ACTL6A: variants seen among roughly 807,000 people sequenced by gnomAD.
ACTL6A encodes actin-like protein 6A.
A neutral mutation model predicts 59.2 loss-of-function variants in ACTL6A; 5 were observed. That is an observed-to-expected ratio of 0.08 (90% CI 0.04 to 0.18). ACTL6A has a LOEUF of 0.18. Among genes scored for constraint, ACTL6A ranks in the 10% least tolerant of loss-of-function variants. The probability of loss-of-function intolerance (pLI) is 1.00; values close to 1 mark genes in which losing one functional copy is unlikely to be tolerated. For synonymous variants in ACTL6A, 154 were observed against 171.8 expected (o/e 0.90, Z 0.81); for missense variants, 285 against 526.9 (o/e 0.54, Z 4.49).
intron 3 of ACTL6A, 190 bp from the exon 4 acceptor site, chr3:179,573,179 A>G (rs1177957374): frequency 2.3e-6 from 1 of 439,878 alleles, no homozygotes; most frequent in African/African-American, 2.1e-5. Context: ...GGGACCAAAA[A>G]GAAGTTCTAT....
At position 179,570,488 on chromosome 3, in the gene ACTL6A, A is replaced by G. The variant is rs758059169; in HGVS notation, c.277+247A>G. ...ACAAATAATGGTACACTGTGGGATA[A>G]GTGGTACAATATAGGTATGTGCAAT... is the stretch of plus-strand genomic sequence containing the variant. On this transcript the variant is annotated intron_variant, in intron 3 of 13. Coordinates refer to ENST00000429709, the MANE Select transcript of ACTL6A (RefSeq NM_004301.5). The surrounding 1 kb of genome is among the most constrained non-coding windows in gnomAD (Gnocchi z 4.3). 4 of 372,056 alleles carry G rather than the reference A, an allele frequency of 1.1e-5. No homozygotes were observed. Among genetic ancestry groups the G allele is most frequent in the African/African-American group, 2.1e-5 (1 of 47,526 alleles). 23.0% of individuals were successfully genotyped at this position (372,056 alleles called of 1,614,324 possible).
intron 10 of ACTL6A, 34 bp from the exon 11 acceptor site, chr3:179,581,106 C>G: frequency 6.2e-7 from 1 of 1,606,662 alleles, no homozygotes; most frequent in African/African-American, 1.3e-5. Context: ...GTATGAAGAG[C>G]TTCCATGTGA....
At chr3:179,579,721 G>C (rs1027420082) in intron 8 of ACTL6A, among the ~76,000 whole-genome samples, 1 of 152,214 alleles carries the variant, frequency 6.6e-6, no homozygotes, top group East Asian at 1.9e-4. Flanking sequence ...ATGGGAGATG[G>C]AGGTTGCATT....
chr3:179,580,714 A>T lies in ACTL6A; in HGVS notation c.830+13A>T. ...CTTATGATGAACAGTATGTTTTCTT[A>T]TTAAAATGTATACTTTATAAATGAG... On this transcript the variant is annotated intron_variant, in intron 9 of 13. Transcript: ENST00000429709. 6.4e-7 allele frequency: 1 copy of T among 1,558,740 alleles called. No homozygotes were observed. The highest frequency in any genetic ancestry group is 8.8e-7 in the Non-Finnish European group (1 of 1,139,402).
intron 1 of ACTL6A, 96 bp downstream of exon 1, chr3:179,563,213 G>C: frequency 6.9e-7 from 1 of 1,446,626 alleles, no homozygotes; most frequent in African/African-American, 1.4e-5. Flanking sequence ...GTTCCCTTCC[G>C]GTCTCCCCCT....
Position 179,576,241 on chromosome 3 carries a change from G to C in ACTL6A, c.501G>C (p.Gly167=), listed in dbSNP as rs1255102815. Residue 167 remains glycine, a synonymous_variant, in exon 6 of 14, where the codon GGG becomes GGC. Coordinates refer to ENST00000429709, the MANE Select transcript of ACTL6A (RefSeq NM_004301.5). ...LTAFANGRST[G]LILDSGATHT... is the part of the protein sequence containing the mutation. ...GATTTGCTAATGGTCGTTCTACTGG[G>C]CTGATTTTGGACAGTGGAGCCACTC... The C allele has an allele frequency of 1.2e-6, 2 of 1,613,428 alleles. No homozygotes were observed. The highest frequency in any genetic ancestry group is 1.3e-5 in the African/African-American group (1 of 74,864).
At chr3:179,586,919 A>G (rs1718513017) in intron 13 of ACTL6A, among the ~76,000 whole-genome samples, 1 of 152,190 alleles carries the variant, frequency 6.6e-6, no homozygotes, top group African/African-American at 2.4e-5. Context: ...GGCACTGGTC[A>G]GGGCTTGTCT....
chr3:179,567,429 C>T (rs115036638), intron 1 of ACTL6A, among the ~76,000 whole-genome samples: 59 of 152,206 alleles, frequency 3.9e-4, no homozygotes, highest in Middle Eastern at 3.4e-3. Context: ...CAGTCACATT[C>T]TGAGGTACTA....
rs1402687557 is a variant in ACTL6A at position 179,580,965 on chromosome 3, G to A, written c.902G>A (p.Arg301Gln). The change falls in exon 10 of 14, where the codon CGG becomes CAG. Residue 301 changes from arginine (R) to glutamine (Q), a missense_variant. Transcript: ENST00000429709. ...NGYNCDFGAE[R>Q]LKIPEGLFDP... ...TACAATTGTGATTTTGGTGCAGAGC[G>A]GCTAAAGATTCCAGAAGGATTATTT... 11 of 1,585,316 alleles carry A rather than the reference G, an allele frequency of 6.9e-6. No homozygotes were observed. The highest frequency in any genetic ancestry group is 1.2e-5 in the South Asian group (1 of 85,048).
intron 1 of ACTL6A, among the ~76,000 whole-genome samples, chr3:179,566,498 C>T (rs1425537085): frequency 6.6e-6 from 1 of 152,184 alleles, no homozygotes; most frequent in Non-Finnish European, 1.5e-5. Context: ...TAAAGTACCA[C>T]AGTCTGTGTG....
At chr3:179,565,844 A>C (rs566859324) in intron 1 of ACTL6A, among the ~76,000 whole-genome samples, 1 of 152,312 alleles carries the variant, frequency 6.6e-6, no homozygotes, top group African/African-American at 2.4e-5. Flanking sequence ...TTATGTACCA[A>C]AATAATGACA....
intron 12 of ACTL6A, 124 bp downstream of exon 12, chr3:179,583,572 T>G (rs866947105): frequency 3.0e-6 from 2 of 670,654 alleles, no homozygotes; most frequent in Middle Eastern, 7.5e-4. Flanking sequence ...CCTGGTATAG[T>G]ATCACTAAAG....
At chr3:179,575,136 C>T in intron 5 of ACTL6A, 2 of 306,228 alleles carry the variant, frequency 6.5e-6, no homozygotes, top group Non-Finnish European at 1.3e-5. Context: ...AGCCACCGTG[C>T]CCAGCCTCTA....
Position 179,570,242 on chromosome 3 carries a change from G to T in ACTL6A, c.277+1G>T. The T allele has an allele frequency of 6.2e-7, 1 of 1,610,220 alleles. No homozygotes were observed. The highest frequency in any genetic ancestry group is 8.5e-7 in the Non-Finnish European group (1 of 1,178,312). ...ATTTCACCTCTAAAAAATGGGATGG[G>T]TATGATGTTTTCCCCATGGAATTGA... On this transcript the variant is annotated splice_donor_variant, in intron 3 of 13. Transcript: ENST00000429709. LOFTEE classifies it high-confidence loss of function. This position sits in a 1 kb window ranked among gnomAD's most constrained non-coding sequence, Gnocchi z 4.3.
chr3:179,575,384 T>G (rs541991411), intron 5 of ACTL6A: 21 of 456,748 alleles, frequency 4.6e-5, no homozygotes, highest in African/African-American at 4.0e-4. Context: ...TGGGACATCC[T>G]GAGCTTTTCT....
intron 13 of ACTL6A, 199 bp downstream of exon 13, chr3:179,586,831 C>A: frequency 1.9e-6 from 1 of 520,654 alleles, no homozygotes; most frequent in Non-Finnish European, 3.3e-6. Context: ...CATTTGTCAG[C>A]CTAATTTCAA....
chr3:179,578,297 TAAA>T (rs1392990434), intron 8 of ACTL6A, among the ~76,000 whole-genome samples: 1 of 151,998 alleles, frequency 6.6e-6, no homozygotes, highest in Non-Finnish European at 1.5e-5. Flanking sequence ...TCTAAAAATA[TAAA>T]AAAATTAGCT....
At chr3:179,576,803 A>T in intron 7 of ACTL6A, 21 bp from the exon 8 acceptor site, 1 of 1,612,976 alleles carries the variant, frequency 6.2e-7, no homozygotes, top group South Asian at 1.1e-5. Flanking sequence ...CCATTAACCT[A>T]GCATCTCTTG....
chr3:179,572,360 C>T (rs956713023), intron 3 of ACTL6A, among the ~76,000 whole-genome samples: 1 of 151,922 alleles, frequency 6.6e-6, no homozygotes, highest in Non-Finnish European at 1.5e-5. Flanking sequence ...TTAAAAAAAT[C>T]CAGGTGGGCC....
Sources: gnomAD v4.1 joint callset for allele counts (sites outside exome capture counted in the v4.1 genomes callset) on GRCh38, gnomAD v4.1.1 for gene constraint, Gnocchi (gnomAD v3.1) non-coding constraint, MANE v1.5 for transcripts, NCBI Gene and HGNC (gene_info 2026-07-23, HGNC 2026-07-21) for gene names.